The following SCARB1 variants were observed in gnomAD, a reference collection of about 807,000 sequenced individuals.
SCARB1 encodes CD36 and LIMPII analogous 1.
SCARB1 carries 30 observed loss-of-function variants against 57.2 expected under a neutral mutation model. That is an observed-to-expected ratio of 0.52 (90% CI 0.39 to 0.71). The LOEUF is 0.71. Among genes scored for constraint, SCARB1 ranks in the 30% least tolerant of loss-of-function variants. SCARB1 has a pLI of 0.00. For synonymous variants in SCARB1, 249 were observed against 268.3 expected, an observed-to-expected ratio of 0.93 and a Z score of 0.70; for missense variants, 543 against 671.2, an observed-to-expected ratio of 0.81 and a Z score of 2.11.
At chr12:124,818,576 C>T (rs900705279) in intron 1 of SCARB1, among the ~76,000 whole-genome samples, 3 of 152,212 alleles carry the variant, frequency 2.0e-5, no homozygotes, top group African/African-American at 7.2e-5. Context: ...AGCGATTCTC[C>T]TGCCTTAGCC....
chr12:124,811,997 G>A, intron 4 of SCARB1, 32 bp from the exon 5 acceptor site: 1 of 1,542,598 alleles, frequency 6.5e-7, no homozygotes, highest in Admixed American at 1.7e-5. Flanking sequence ...GCATCGTAAG[G>A]CTTAGGCCTG....
intron 9 of SCARB1, among the ~76,000 whole-genome samples, chr12:124,794,923 T>TC (rs1408618572): frequency 6.6e-6 from 1 of 151,912 alleles, no homozygotes; most frequent in Non-Finnish European, 1.5e-5. Flanking sequence ...AGAGCGAGAC[T>TC]CCATCTCAAA....
intron 2 of SCARB1, 81 bp from the exon 3 acceptor site, chr12:124,815,195 G>T: frequency 1.3e-6 from 2 of 1,514,444 alleles, no homozygotes; most frequent in Non-Finnish European, 1.8e-6. Context: ...ATGCCTGCCT[G>T]GGAACCAGGG....
In SCARB1 at chr12:124,779,717, T is replaced by C. The variant is rs149431592; in HGVS notation, c.*1-1131A>G. 8.1e-3 allele frequency among the ~76,000 whole-genome samples: 1,239 copies of C among 152,062 alleles called. 17 individuals carry two copies. Among genetic ancestry groups the C allele is most frequent in the African/African-American group, 0.028 (1,150 of 41,506 alleles). On this transcript the variant is annotated intron_variant, in intron 12 of 12. Transcript: ENST00000261693. The stretch of plus-strand genomic sequence containing the variant: ...GTCCCACTAAGCCCCCTGCCTCCCT[T>C]GCCCTGAGCAACAGAGGCCTCCCTG...
At chr12:124,803,398 C>T (rs557484862) in intron 7 of SCARB1, among the ~76,000 whole-genome samples, 3 of 151,970 alleles carry the variant, frequency 2.0e-5, no homozygotes, top group South Asian at 2.1e-4. Context: ...GGTGAGACCC[C>T]GTCTCTTAAA....
At chr12:124,825,772 C>T (rs4765177) in intron 1 of SCARB1, among the ~76,000 whole-genome samples, 2 of 152,206 alleles carry the variant, frequency 1.3e-5, no homozygotes, top group Non-Finnish European at 2.9e-5. Flanking sequence ...TTGCAGATAT[C>T]TCAAAGGCAG....
intron 1 of SCARB1, among the ~76,000 whole-genome samples, chr12:124,848,479 G>A (rs1035196547): frequency 2.6e-5 from 4 of 152,200 alleles, no homozygotes; most frequent in African/African-American, 7.2e-5. Flanking sequence ...GTGGATCCTC[G>A]TGGCCTTCTT....
At chr12:124,809,005 A>G (rs982601303) in intron 6 of SCARB1, among the ~76,000 whole-genome samples, 3 of 152,250 alleles carry the variant, frequency 2.0e-5, no homozygotes, top group Non-Finnish European at 1.5e-5. Flanking sequence ...TTTGATTTAT[A>G]GGAAAGTGCC....
chr12:124,841,412 G>A (rs551657589), intron 1 of SCARB1, among the ~76,000 whole-genome samples: 1 of 151,138 alleles, frequency 6.6e-6, no homozygotes, highest in African/African-American at 2.4e-5. Context: ...AACTCGGGAG[G>A]CGGAGGTTGC....
In SCARB1 at chr12:124,817,626, AG is replaced by A; in HGVS notation, c.207del (p.Phe70LeufsTer4). Reference protein sequence around the residue: ...IPIPFYLSVYFFDVMNPSEIL... With the variant: ...IPIPFYLSVYXFDVMNPSEIL... ...ATCTCGCTGGGGTTCATGACGTCAA[AG>A]AAGTAGACGGAGAGATAGAAGGGGA... On this transcript the variant is annotated frameshift_variant, in exon 2 of 13. Transcript: ENST00000261693. LOFTEE classifies it high-confidence loss of function. This position sits in a 1 kb window ranked among gnomAD's most constrained non-coding sequence, Gnocchi z 4.8. 1 of 1,614,232 alleles carries A rather than the reference AG, an allele frequency of 6.2e-7. No homozygotes were observed. The highest frequency in any genetic ancestry group is 8.5e-7 in the Non-Finnish European group (1 of 1,180,026).
chr12:124,857,491 G>A (rs768156731), intron 1 of SCARB1, among the ~76,000 whole-genome samples: 2 of 152,186 alleles, frequency 1.3e-5, no homozygotes, highest in Admixed American at 6.5e-5. Context: ...GGCTGAGGGA[G>A]GCAGGGGTGA....
chr12:124,815,797 C>T (rs1269681479), intron 2 of SCARB1, among the ~76,000 whole-genome samples: 1 of 152,078 alleles, frequency 6.6e-6, no homozygotes, highest in East Asian at 1.9e-4. Context: ...ACCTGGGGGG[C>T]GGACGTTGCA....
At chr12:124,837,309 T>C (rs573988911) in intron 1 of SCARB1, among the ~76,000 whole-genome samples, 2 of 152,178 alleles carry the variant, frequency 1.3e-5, no homozygotes, top group African/African-American at 4.8e-5. Context: ...TCTCTGTTCT[T>C]AGAAAGGTTT....
chr12:124,843,290 T>G (rs1454711127), intron 1 of SCARB1, among the ~76,000 whole-genome samples: 4 of 103,606 alleles, frequency 3.9e-5, no homozygotes, highest in East Asian at 3.2e-4. Flanking sequence ...TCTGTGGAGA[T>G]GGGGGGGGGG....
At chr12:124,798,765 A>G (rs1594225903) in intron 8 of SCARB1, among the ~76,000 whole-genome samples, 1 of 150,364 alleles carries the variant, frequency 6.7e-6, no homozygotes, top group Non-Finnish European at 1.5e-5. Flanking sequence ...AATTGCTTGA[A>G]CCCGGGAGGC....
Position 124,796,511 on chromosome 12 carries a change from T to C in SCARB1, c.1129-1243A>G, listed in dbSNP as rs991866448. On this transcript the variant is annotated intron_variant, in intron 8 of 12. Coordinates refer to ENST00000261693, the MANE Select transcript of SCARB1 (RefSeq NM_005505.5). This position sits in a 1 kb window ranked among gnomAD's most constrained non-coding sequence, Gnocchi z 4.0. ...AATGATAGTGGAAATAAAACTAGAT[T>C]TGAGGTCAGAGAACTGCAGTTGGTT... is the stretch of plus-strand genomic sequence containing the variant. Among the ~76,000 whole-genome samples, 1 of 152,160 alleles carries C rather than the reference T, an allele frequency of 6.6e-6. No homozygotes were observed. The highest frequency in any genetic ancestry group is 1.5e-5 in the Non-Finnish European group (1 of 68,018).
At position 124,786,430 on chromosome 12, in the gene SCARB1, T is replaced by C; in HGVS notation, c.1328A>G (p.Tyr443Cys). 1.9e-6 allele frequency: 3 copies of C among 1,614,128 alleles called. No homozygotes were observed. In the Admixed American group the frequency reaches 5.0e-5, roughly 27 times the overall value. The part of the protein sequence containing the change: ...QLVLMPKVMH[Y>C]AQYVLLALGC... Reference sequence around the variant, plus strand: ...CAGCGCCAGGAGGACGTACTGGGCATAGTGCATCACCTTGGGCATCAACAC... The same window carrying C: ...CAGCGCCAGGAGGACGTACTGGGCACAGTGCATCACCTTGGGCATCAACAC... Residue 443 changes from tyrosine to cysteine, a missense_variant, in exon 11 of 13, where the codon TAT (tyrosine) becomes TGT (cysteine). Coordinates refer to ENST00000261693, the MANE Select transcript of SCARB1 (RefSeq NM_005505.5).
intron 1 of SCARB1, among the ~76,000 whole-genome samples, chr12:124,818,527 C>CA (rs1487723917): frequency 2.6e-5 from 4 of 152,218 alleles, no homozygotes; most frequent in Admixed American, 2.6e-4. Flanking sequence ...AGTGCAGTGG[C>CA]ATGATCTTGG....
intron 7 of SCARB1, among the ~76,000 whole-genome samples, chr12:124,801,889 G>T (rs551399905): frequency 6.6e-6 from 1 of 150,864 alleles, no homozygotes; most frequent in African/African-American, 2.4e-5. Context: ...GGTGGCTCAC[G>T]CCTGTAATCC....
Sources: allele counts gnomAD v4.1 joint callset (sites outside exome capture counted in the v4.1 genomes callset), GRCh38; gene constraint gnomAD v4.1.1; non-coding constraint Gnocchi (gnomAD v3.1); transcripts MANE v1.5; gene names NCBI Gene and HGNC (gene_info 2026-07-23, HGNC 2026-07-21).